The following GALNT13 variants were observed in gnomAD, a reference collection of about 807,000 sequenced individuals.
GALNT13 encodes polypeptide N-acetylgalactosaminyltransferase 13, also known as UDP-GalNAc:polypeptide N-acetylgalactosaminyltransferase 13.
In GALNT13, 28 loss-of-function variants were observed where a neutral mutation model predicts 64.2. The ratio of observed to expected loss-of-function variants is 0.44; its 90% CI spans 0.32 to 0.60. GALNT13 has a LOEUF of 0.60. Ranked by LOEUF, GALNT13 falls within the 20% of genes least tolerant of loss-of-function variation. The pLI, the probability that GALNT13 is intolerant of heterozygous loss-of-function variation, is 0.05. For missense variants in GALNT13, 577 were observed against 669.8 expected (o/e 0.86, Z 1.53); for synonymous variants, 214 against 224.6 (o/e 0.95, Z 0.42).
At chr2:153,195,735 A>G in the GALNT13 span, among the ~76,000 whole-genome samples, 24,768 of 152,236 alleles carry the variant, frequency 0.16, 2,156 homozygotes, top group African/African-American at 0.18. Context: ...CAGCTCTTTT[A>G]GCTTCACCAT....
intron 2 of GALNT13, among the ~76,000 whole-genome samples, chr2:153,924,668 C>T (rs537089638): frequency 5.7e-4 from 87 of 152,250 alleles, no homozygotes; most frequent in Non-Finnish European, 8.7e-4. Context: ...CTAATTTATA[C>T]TCTCACCAAC....
chr2:153,305,436 A>C, the GALNT13 span, among the ~76,000 whole-genome samples: 1 of 152,164 alleles, frequency 6.6e-6, no homozygotes, highest in Non-Finnish European at 1.5e-5. Context: ...TGGTTTCATA[A>C]CTTCTCAGGA....
the GALNT13 span, among the ~76,000 whole-genome samples, chr2:153,782,676 A>T: frequency 6.6e-6 from 1 of 152,206 alleles, no homozygotes; most frequent in African/African-American, 2.4e-5. Context: ...GTGAAGGTAT[A>T]GGAAGACAAT....
intron 4 of GALNT13, among the ~76,000 whole-genome samples, chr2:154,205,509 G>C (rs1307129388): frequency 6.6e-6 from 1 of 152,170 alleles, no homozygotes; most frequent in Non-Finnish European, 1.5e-5. Context: ...AATAATTTGG[G>C]TATATTGTCA....
chr2:153,290,275 T>C, the GALNT13 span, among the ~76,000 whole-genome samples: 1 of 152,174 alleles, frequency 6.6e-6, no homozygotes, highest in Non-Finnish European at 1.5e-5. Context: ...AGCCTTGAAC[T>C]TCATCCAGGC....
At chr2:153,148,478 CT>C in the GALNT13 span, among the ~76,000 whole-genome samples, 56,868 of 135,360 alleles carry the variant, frequency 0.42, 10,439 homozygotes, top group East Asian at 0.57. Flanking sequence ...TCCATTTTTT[CT>C]TTTTTTTTTT....
the GALNT13 span, among the ~76,000 whole-genome samples, chr2:153,097,444 C>G: frequency 6.6e-6 from 1 of 152,120 alleles, no homozygotes; most frequent in Non-Finnish European, 1.5e-5. Flanking sequence ...CCACTTCCCT[C>G]TCTCCTTTTC....
chr2:153,993,845 C>CTTCA (rs982437505), intron 3 of GALNT13, among the ~76,000 whole-genome samples: 3 of 152,138 alleles, frequency 2.0e-5, no homozygotes, highest in Middle Eastern at 3.4e-3. Flanking sequence ...CATGATCATG[C>CTTCA]TTCAAGTACT....
chr2:153,126,262 T>C, the GALNT13 span, among the ~76,000 whole-genome samples: 2 of 146,052 alleles, frequency 1.4e-5, no homozygotes, highest in African/African-American at 5.1e-5. Context: ...ATTTTTGTAA[T>C]CAAATGCTAG....
the GALNT13 span, among the ~76,000 whole-genome samples, chr2:153,826,497 T>C: frequency 6.6e-6 from 1 of 152,220 alleles, no homozygotes; most frequent in Non-Finnish European, 1.5e-5. Flanking sequence ...TTTATGACTT[T>C]ATTCCTTTTA....
chr2:154,316,808 T>G (rs960877065), intron 9 of GALNT13, among the ~76,000 whole-genome samples: 2 of 152,214 alleles, frequency 1.3e-5, no homozygotes, highest in Non-Finnish European at 2.9e-5. Flanking sequence ...AATCAGCATA[T>G]AAATTTGTGG....
chr2:153,218,043 C>T, the GALNT13 span, among the ~76,000 whole-genome samples: 2 of 152,082 alleles, frequency 1.3e-5, no homozygotes, highest in African/African-American at 4.8e-5. Flanking sequence ...TTGATGGATA[C>T]CTTGATAGAA....
chr2:154,128,552 TG>T, intron 3 of GALNT13, among the ~76,000 whole-genome samples: 1 of 152,104 alleles, frequency 6.6e-6, no homozygotes, highest in Non-Finnish European at 1.5e-5. Flanking sequence ...TTATAATGAT[TG>T]TGAGTAAATA....
chr2:153,922,131 A>C (rs17585589), intron 2 of GALNT13, among the ~76,000 whole-genome samples: 1 of 152,132 alleles, frequency 6.6e-6, no homozygotes, highest in Non-Finnish European at 1.5e-5. Context: ...GTTGATTGCT[A>C]TTCTGCTGGA....
intron 6 of GALNT13, among the ~76,000 whole-genome samples, chr2:154,243,761 A>G (rs920214659): frequency 6.6e-6 from 1 of 152,178 alleles, no homozygotes; most frequent in Admixed American, 6.5e-5. Flanking sequence ...ACATAACACC[A>G]TACTTGCATA....
intron 2 of GALNT13, among the ~76,000 whole-genome samples, chr2:153,916,124 C>T (rs1272999912): frequency 8.4e-5 from 12 of 142,660 alleles, no homozygotes; most frequent in Admixed American, 5.5e-4. Flanking sequence ...CCCTTCCTTC[C>T]TTCGTTCCTT....
the GALNT13 span, among the ~76,000 whole-genome samples, chr2:153,115,334 A>G: frequency 7.2e-5 from 11 of 152,328 alleles, no homozygotes; most frequent in African/African-American, 1.7e-4. Context: ...TTGAGAACAT[A>G]TGTTTATGAT....
At chr2:153,553,948 G>C in the GALNT13 span, among the ~76,000 whole-genome samples, 1 of 90,552 alleles carries the variant, frequency 1.1e-5, no homozygotes, top group African/African-American at 4.4e-5. Flanking sequence ...TGGTTGTGTG[G>C]ATGTGAGTCC....
the GALNT13 span, among the ~76,000 whole-genome samples, chr2:153,804,588 G>A: frequency 5.3e-5 from 8 of 151,848 alleles, no homozygotes; most frequent in African/African-American, 1.7e-4. Context: ...AAAAAAACTC[G>A]TGACTAATTA....
Sources: allele counts gnomAD v4.1 joint callset (sites outside exome capture counted in the v4.1 genomes callset), GRCh38; gene constraint gnomAD v4.1.1; transcripts MANE v1.5; gene names NCBI Gene and HGNC (gene_info 2026-07-23, HGNC 2026-07-21).